Variants in METAP1D observed in about 807,000 individuals in gnomAD.
METAP1D encodes methionyl aminopeptidase type 1D, mitochondrial.
Under a neutral mutation model 40.5 loss-of-function variants are expected in METAP1D, and 31 were observed. The observed-to-expected ratio is 0.77, with a 90% CI of 0.58 to 1.03. The LOEUF is 1.03. METAP1D is among the 50% of genes least tolerant of loss of function. The probability of loss-of-function intolerance (pLI) is 0.00; values close to 1 mark genes in which losing one functional copy is unlikely to be tolerated. For missense variants in METAP1D, 411 were observed against 420.7 expected (o/e 0.98, Z 0.20); for synonymous variants, 151 against 146.4 (o/e 1.03, Z -0.22).
At chr2:172,070,366 A>G (rs1179525319) in intron 5 of METAP1D, among the ~76,000 whole-genome samples, 1 of 152,174 alleles carries the variant, frequency 6.6e-6, no homozygotes, top group Non-Finnish European at 1.5e-5. Context: ...CCTATATGGA[A>G]CCACTTCAAT....
intron 1 of METAP1D, among the ~76,000 whole-genome samples, chr2:172,005,923 C>G (rs746424353): frequency 1.3e-5 from 2 of 151,718 alleles, no homozygotes; most frequent in Admixed American, 6.6e-5. Flanking sequence ...TATGAAATTT[C>G]AATGTATACT....
chr2:172,063,783 G>A lies in METAP1D; in HGVS notation c.271G>A (p.Glu91Lys). Reference protein sequence around the residue: ...DWGDSIEVKNEDQIQGLHQAC... With the variant: ...DWGDSIEVKNKDQIQGLHQAC... ...GGGAGACAGCATAGAAGTTAAGAATGAAGATCAGATTCAAGGGCTTCATCA... is the reference window on the plus strand; with the variant it reads ...GGGAGACAGCATAGAAGTTAAGAATAAAGATCAGATTCAAGGGCTTCATCA... Residue 91 changes from glutamate (E) to lysine (K), a missense_variant, in exon 3 of 10, where the codon GAA becomes AAA. Coordinates refer to ENST00000315796, the MANE Select transcript of METAP1D (RefSeq NM_199227.3). 3.7e-6 allele frequency: 6 copies of A among 1,614,150 alleles called. No individual in the cohort carries two copies. The highest frequency in any genetic ancestry group is 5.1e-6 in the Non-Finnish European group (6 of 1,180,018).
intron 1 of METAP1D, among the ~76,000 whole-genome samples, chr2:172,035,156 T>TTGTC (rs1480097096): frequency 7.3e-6 from 1 of 137,794 alleles, no homozygotes; most frequent in Admixed American, 7.9e-5. Flanking sequence ...TGTTTTTTTT[T>TTGTC]TGTTTGTTTG....
intron 1 of METAP1D, among the ~76,000 whole-genome samples, chr2:172,029,301 T>A (rs551982588): frequency 1.2e-3 from 183 of 152,248 alleles, no homozygotes; most frequent in African/African-American, 3.7e-3. Context: ...TGCACGCCTG[T>A]GGTCCCAGCT....
intron 1 of METAP1D, among the ~76,000 whole-genome samples, chr2:172,026,262 T>A (rs1689118799): frequency 6.6e-6 from 1 of 152,240 alleles, no homozygotes; most frequent in Non-Finnish European, 1.5e-5. Context: ...GTCCCCATGA[T>A]GTCATTTACC....
intron 1 of METAP1D, among the ~76,000 whole-genome samples, chr2:172,056,320 C>A (rs1690001211): frequency 6.6e-6 from 1 of 152,230 alleles, no homozygotes; most frequent in African/African-American, 2.4e-5. Flanking sequence ...CCGAGCTTGG[C>A]ACCAGTAAGC....
At chr2:172,013,039 T>C (rs1688765551) in intron 1 of METAP1D, among the ~76,000 whole-genome samples, 1 of 152,218 alleles carries the variant, frequency 6.6e-6, no homozygotes. Flanking sequence ...AATCAGTAAC[T>C]CTTAACAGGG....
At chr2:172,080,068 G>A in intron 8 of METAP1D, 60 bp from the exon 9 acceptor site, 3 of 1,457,284 alleles carry the variant, frequency 2.1e-6, no homozygotes, top group Non-Finnish European at 2.9e-6. Context: ...TAATCAGCCG[G>A]AAACAATGTT....
At chr2:172,010,189 G>A (rs1688678681) in intron 1 of METAP1D, among the ~76,000 whole-genome samples, 1 of 149,316 alleles carries the variant, frequency 6.7e-6, no homozygotes, top group Non-Finnish European at 1.5e-5. Flanking sequence ...CACCCAGGCT[G>A]GAGTGCAGTG....
chr2:172,030,461 C>T (rs1376206198), intron 1 of METAP1D, among the ~76,000 whole-genome samples: 6 of 152,070 alleles, frequency 3.9e-5, no homozygotes, highest in African/African-American at 1.4e-4. Flanking sequence ...AAGTAAGGGT[C>T]GAGGTCCAAG....
chr2:172,032,817 C>T (rs777230024), intron 1 of METAP1D, among the ~76,000 whole-genome samples: 4 of 152,144 alleles, frequency 2.6e-5, no homozygotes, highest in Non-Finnish European at 4.4e-5. Flanking sequence ...AATCCCAACA[C>T]GTTGGGAGGC....
chr2:172,051,508 T>A (rs1689883423), intron 1 of METAP1D, among the ~76,000 whole-genome samples: 1 of 152,214 alleles, frequency 6.6e-6, no homozygotes, highest in Admixed American at 6.5e-5. Context: ...TTGTCATTGA[T>A]GTTATACTCT....
At chr2:172,015,212 A>G (rs1223895055) in intron 1 of METAP1D, among the ~76,000 whole-genome samples, 1 of 152,118 alleles carries the variant, frequency 6.6e-6, no homozygotes, top group African/African-American at 2.4e-5. Flanking sequence ...GGAATTTGAG[A>G]CCAGCCTGGC....
intron 1 of METAP1D, among the ~76,000 whole-genome samples, chr2:172,057,666 G>C (rs1200955177): frequency 6.6e-6 from 1 of 152,044 alleles, no homozygotes; most frequent in Non-Finnish European, 1.5e-5. Context: ...TTTTTCTCAT[G>C]CCTGTGAGAG....
intron 1 of METAP1D, among the ~76,000 whole-genome samples, chr2:172,019,032 T>C (rs529992344): frequency 8.2e-4 from 125 of 152,260 alleles, no homozygotes; most frequent in African/African-American, 2.9e-3. Context: ...AGAACGCCTC[T>C]AATATAAAAG....
chr2:172,078,000 G>T, intron 7 of METAP1D, 106 bp downstream of exon 7: 9 of 421,564 alleles, frequency 2.1e-5, no homozygotes, highest in Non-Finnish European at 2.7e-5. Context: ...TCAACCTTGT[G>T]TTTGTGTGTG....
rs776118088 is a variant in METAP1D, at chr2:172,041,370, A to G, written c.41-20128A>G. Among the ~76,000 whole-genome samples, 34 of 129,510 alleles carry G rather than the reference A, an allele frequency of 2.6e-4. 8 individuals carry two copies. Among genetic ancestry groups the G allele is most frequent in the Non-Finnish European group, 5.6e-4 (31 of 55,564 alleles). The allele number at this position is 129,510 out of a possible 152,430, so 85.0% of individuals were successfully genotyped here. A position where few individuals can be genotyped will look rare whatever the true frequency, so the allele number is the denominator to read the frequency against. On this transcript the variant is annotated intron_variant, in intron 1 of 9. Coordinates refer to ENST00000315796, the MANE Select transcript of METAP1D (RefSeq NM_199227.3). The stretch of plus-strand genomic sequence containing the variant: ...GCTACGTGGGAGGCTGAGGCATAAG[A>G]ATCGCTTGAATCCAGGAGGCGGAGG...
At chr2:172,046,042 C>CTT (rs5836367) in intron 1 of METAP1D, among the ~76,000 whole-genome samples, 7 of 134,366 alleles carry the variant, frequency 5.2e-5, no homozygotes, top group South Asian at 4.8e-4. Flanking sequence ...CCATGTAATG[C>CTT]TTTTTATTTT....
In METAP1D at chr2:172,062,136, C is replaced by CT. The variant is rs969910893; in HGVS notation, c.198+491dup. ...AAAATATGTCTCAGAGCAGTCTTGG[C>CT]TTTTTTTTTTCAGAGATTGCAATTC... On this transcript the variant is annotated intron_variant, in intron 2 of 9. Coordinates refer to ENST00000315796, the MANE Select transcript of METAP1D (RefSeq NM_199227.3). 1.3e-3 allele frequency: 191 copies of CT among 142,286 alleles called. 1 individual carries two copies. Among genetic ancestry groups the CT allele is most frequent in the African/African-American group, 4.5e-3 (174 of 38,756 alleles). The allele number at this position is 142,286 out of a possible 1,614,324, so 8.8% of individuals were successfully genotyped here.
Sources: gnomAD v4.1 joint callset for allele counts (sites outside exome capture counted in the v4.1 genomes callset) on GRCh38, gnomAD v4.1.1 for gene constraint, MANE v1.5 for transcripts, NCBI Gene and HGNC (gene_info 2026-07-23, HGNC 2026-07-21) for gene names.